The following SEC31B variants were observed in gnomAD, a reference collection of about 807,000 sequenced individuals.
SEC31B encodes the protein SEC31 homolog B, COPII component.
SEC31B carries 113 observed loss-of-function variants against 135.0 expected under a neutral mutation model. The observed-to-expected ratio is 0.84, with a 90% CI of 0.72 to 0.98. The LOEUF (loss-of-function observed/expected upper bound fraction) is 0.98. Ranked by LOEUF, SEC31B falls within the 50% of genes least tolerant of loss-of-function variation. The pLI, the probability that SEC31B is intolerant of heterozygous loss-of-function variation, is 0.00. For synonymous variants in SEC31B, 508 were observed against 549.4 expected (o/e 0.92, Z 1.05); for missense variants, 1,296 against 1,421.1 (o/e 0.91, Z 1.42).
chr10:100,513,752 G>C (rs1851776574), intron 3 of SEC31B, among the ~76,000 whole-genome samples: 1 of 152,002 alleles, frequency 6.6e-6, no homozygotes, highest in South Asian at 2.1e-4. Context: ...TTACAAGCAT[G>C]AGCCACCGCA....
At chr10:100,500,183 C>G in intron 11 of SEC31B, 1 of 456,718 alleles carries the variant, frequency 2.2e-6, no homozygotes, top group Non-Finnish European at 4.4e-6. Flanking sequence ...CTCTGAATTA[C>G]TGCATGACTG....
intron 3 of SEC31B, among the ~76,000 whole-genome samples, chr10:100,513,914 G>A: frequency 6.6e-6 from 1 of 152,070 alleles, no homozygotes; most frequent in South Asian, 2.1e-4. Context: ...GCCGGGTACA[G>A]TAGCTCACGC....
At chr10:100,498,281 C>T in intron 14 of SEC31B, 74 bp from the exon 15 acceptor site, 1 of 1,404,000 alleles carries the variant, frequency 7.1e-7, no homozygotes, top group Non-Finnish European at 1.0e-6. Context: ...GGGCCCACAG[C>T]ACACCCTCTA....
chr10:100,500,333 T>A (rs185470173), intron 11 of SEC31B, among the ~76,000 whole-genome samples: 4 of 152,028 alleles, frequency 2.6e-5, no homozygotes, highest in African/African-American at 9.6e-5. Context: ...TTTTTTTTTT[T>A]AGACAGACTC....
chr10:100,497,055 C>T (rs1851423203), intron 17 of SEC31B, 80 bp downstream of exon 17: 4 of 1,547,916 alleles, frequency 2.6e-6, no homozygotes, highest in Non-Finnish European at 3.5e-6. Context: ...AGATTCGCCT[C>T]TGCTAGCTCT....
At chr10:100,505,946 A>G in intron 9 of SEC31B, 94 bp downstream of exon 9, 1 of 1,574,094 alleles carries the variant, frequency 6.4e-7, no homozygotes, top group Non-Finnish European at 8.6e-7. Flanking sequence ...TGGTCTCCCA[A>G]TCTCCAATAT....
intron 19 of SEC31B, 75 bp from the exon 20 acceptor site, chr10:100,490,958 G>T: frequency 9.0e-7 from 1 of 1,109,890 alleles, no homozygotes; most frequent in Non-Finnish European, 1.2e-6. Flanking sequence ...AAAATAATAG[G>T]GAAAATTAAT....
intron 19 of SEC31B, among the ~76,000 whole-genome samples, chr10:100,494,601 CTTTGT>C (rs1435938631): frequency 6.6e-6 from 1 of 152,196 alleles, no homozygotes; most frequent in East Asian, 1.9e-4. Context: ...GCTTCAGTGC[CTTTGT>C]ACATGCTATT....
intron 2 of SEC31B, 113 bp from the exon 3 acceptor site, chr10:100,516,332 C>G: frequency 8.0e-7 from 1 of 1,252,108 alleles, no homozygotes; most frequent in Non-Finnish European, 1.1e-6. Context: ...TATACCCTTT[C>G]TCAAAGGTAA....
chr10:100,496,471 G>GCAT, intron 17 of SEC31B, 40 bp from the exon 18 acceptor site: 1 of 1,604,344 alleles, frequency 6.2e-7, no homozygotes, highest in Non-Finnish European at 8.5e-7. Context: ...CTTCAATGAG[G>GCAT]CATATCCTGC....
In SEC31B at chr10:100,488,986, GA is replaced by G. The variant is rs764307876; in HGVS notation, c.3172-13del. ...GGCAGGTGCTGAAGCTGCTGATAAAGAAGCAGGGAGAAAGGCCAGAGGGGCA... is the reference window on the plus strand; with the variant it reads ...GGCAGGTGCTGAAGCTGCTGATAAAGAGCAGGGAGAAAGGCCAGAGGGGCA... On this transcript the variant is annotated splice_polypyrimidine_tract_variant and intron_variant, in intron 23 of 25. Transcript: ENST00000370345. 1 of 1,589,356 alleles carries G rather than the reference GA, an allele frequency of 6.3e-7. No homozygotes were observed.
chr10:100,503,694 C>T (rs552488440), intron 10 of SEC31B, among the ~76,000 whole-genome samples: 2 of 151,952 alleles, frequency 1.3e-5, no homozygotes, highest in African/African-American at 2.4e-5. Flanking sequence ...CTCGGCCTCC[C>T]AAAGTGCTGG....
intron 7 of SEC31B, among the ~76,000 whole-genome samples, chr10:100,506,740 A>C (rs1851639950): frequency 6.6e-6 from 1 of 152,186 alleles, no homozygotes; most frequent in Admixed American, 6.5e-5. Context: ...ATCAGTATGA[A>C]TCACACAAAC....
intron 14 of SEC31B, 127 bp from the exon 15 acceptor site, chr10:100,498,334 T>G: frequency 1.1e-6 from 1 of 925,660 alleles, no homozygotes; most frequent in Non-Finnish European, 1.6e-6. Flanking sequence ...AACTAAATCC[T>G]CAAGTTTCAC....
Position 100,507,923 on chromosome 10 carries a change from A to G in SEC31B, c.624T>C (p.Ser208=). ...CAATACTCACCCTGTTGCTGTGATCACTGACTTTGATGATAGGTTCATTCT... is the reference window on the plus strand; with the variant it reads ...CAATACTCACCCTGTTGCTGTGATCGCTGACTTTGATGATAGGTTCATTCT... ...LRKNEPIIKV[S]DHSNRMHCSG... The change falls in exon 6 of 26, where the codon AGT becomes AGC. Residue 208 remains serine, a synonymous_variant. Coordinates refer to ENST00000370345, the MANE Select transcript of SEC31B (RefSeq NM_015490.4). 6.2e-7 allele frequency: 1 copy of G among 1,614,188 alleles called. No individual in the cohort carries two copies.
intron 19 of SEC31B, among the ~76,000 whole-genome samples, chr10:100,491,605 A>G (rs1851301640): frequency 6.6e-6 from 1 of 152,248 alleles, no homozygotes; most frequent in African/African-American, 2.4e-5. Flanking sequence ...AAACCAATCA[A>G]TTTAATCCCC....
At position 100,499,500 on chromosome 10, in the gene SEC31B, T is replaced by G. The variant is rs766392940; in HGVS notation, c.1485+24A>C. The G allele has an allele frequency of 2.6e-6, 4 of 1,567,602 alleles. No individual in the cohort carries two copies. The African/African-American group carries it at 5.5e-5, about 21-fold the overall frequency. ...TCTTCTTCTCTTCAACAAGTACATG[T>G]TTCTGATGTGAAAAGCAGCTTACCT... On this transcript the variant is annotated intron_variant, in intron 12 of 25. Coordinates refer to ENST00000370345, the MANE Select transcript of SEC31B (RefSeq NM_015490.4).
At chr10:100,504,419 A>T (rs1306386136) in intron 10 of SEC31B, among the ~76,000 whole-genome samples, 1 of 152,228 alleles carries the variant, frequency 6.6e-6, no homozygotes, top group African/African-American at 2.4e-5. Flanking sequence ...TCCTCCGACC[A>T]GCTGCAAGGA....
chr10:100,498,418 G>A, intron 14 of SEC31B: 2 of 615,024 alleles, frequency 3.3e-6, no homozygotes, highest in Non-Finnish European at 5.7e-6. Context: ...AACTGATGTG[G>A]CAGTAGCACA....
Sources: gnomAD v4.1 joint callset for allele counts (sites outside exome capture counted in the v4.1 genomes callset) on GRCh38, gnomAD v4.1.1 for gene constraint, MANE v1.5 for transcripts, NCBI Gene and HGNC (gene_info 2026-07-23, HGNC 2026-07-21) for gene names.